The following GRIK1 variants were observed in gnomAD, a reference collection of about 807,000 sequenced individuals.
The protein encoded by GRIK1 is glutamate ionotropic receptor kainate type subunit 1.
In GRIK1, 69 loss-of-function variants were observed where a neutral mutation model predicts 105.7. The ratio of observed to expected loss-of-function variants is 0.65; its 90% CI spans 0.54 to 0.80. The LOEUF is 0.80. GRIK1 is among the 30% of genes least tolerant of loss of function. GRIK1 has a pLI of 0.00. For missense variants in GRIK1, 1,109 were observed against 1,167.3 expected (o/e 0.95, Z 0.73); for synonymous variants, 438 against 431.3 (o/e 1.02, Z -0.19).
chr21:29,703,064 A>G (rs148495576), intron 1 of GRIK1, among the ~76,000 whole-genome samples: 27 of 152,340 alleles, frequency 1.8e-4, no homozygotes, highest in African/African-American at 5.8e-4. Flanking sequence ...CAGTTCTTCA[A>G]ATAGCAATTT....
intron 1 of GRIK1, among the ~76,000 whole-genome samples, 186 bp downstream of exon 1, chr21:29,939,197 C>T (rs1731742401): frequency 6.6e-6 from 1 of 152,182 alleles, no homozygotes; most frequent in Admixed American, 6.5e-5. Flanking sequence ...AAGGCCGGCA[C>T]CCTCCAGGAG....
At chr21:29,706,656 G>C (rs945323265) in intron 1 of GRIK1, among the ~76,000 whole-genome samples, 1 of 152,166 alleles carries the variant, frequency 6.6e-6, no homozygotes, top group African/African-American at 2.4e-5. Context: ...GACTAATACA[G>C]ATATCCAAGA....
At chr21:29,706,896 G>T (rs757458647) in intron 1 of GRIK1, among the ~76,000 whole-genome samples, 3 of 151,806 alleles carry the variant, frequency 2.0e-5, no homozygotes, top group Admixed American at 1.3e-4. Context: ...GCGGAGTCTC[G>T]CTCTGTTGCC....
At chr21:29,603,749 T>C (rs2061562727) in intron 7 of GRIK1, among the ~76,000 whole-genome samples, 1 of 152,194 alleles carries the variant, frequency 6.6e-6, no homozygotes. Context: ...GTCTGAGAGC[T>C]GAGAACAATT....
At chr21:29,736,204 TA>T (rs2064786935) in intron 1 of GRIK1, among the ~76,000 whole-genome samples, 1 of 150,720 alleles carries the variant, frequency 6.6e-6, no homozygotes, top group Non-Finnish European at 1.5e-5. Flanking sequence ...CTGGTATTGT[TA>T]TTATGATTAT....
At position 29,580,019 on chromosome 21, in the gene GRIK1, G is replaced by A. The variant is rs867228150; in HGVS notation, c.1912+1406C>T. ...TATGTATATATATGTATATATATGT[G>A]TATATATGTATATATGTGTATATAT... On this transcript the variant is annotated intron_variant, in intron 13 of 17. Transcript: ENST00000327783. Among the ~76,000 whole-genome samples, 881 of 119,678 alleles carry A rather than the reference G, an allele frequency of 7.4e-3. 12 individuals carry two copies. The highest frequency in any genetic ancestry group is 0.037 in the African/African-American group (837 of 22,572). The allele number at this position is 119,678 out of a possible 152,430, so 78.5% of individuals were successfully genotyped here. A position where few individuals can be genotyped will look rare whatever the true frequency, so the allele number is the denominator to read the frequency against.
chr21:29,596,690 G>A (rs2061420480), intron 8 of GRIK1, 120 bp from the exon 9 acceptor site: 5 of 771,412 alleles, frequency 6.5e-6, no homozygotes, highest in Middle Eastern at 2.8e-4. Context: ...CCATTGTTTG[G>A]AATTTGCATC....
At chr21:29,690,922 G>A (rs906698664) in intron 2 of GRIK1, among the ~76,000 whole-genome samples, 10 of 152,098 alleles carry the variant, frequency 6.6e-5, no homozygotes, top group African/African-American at 2.4e-4. Flanking sequence ...TAACACTATA[G>A]CATGTCTTTT....
intron 1 of GRIK1, among the ~76,000 whole-genome samples, chr21:29,833,802 G>T (rs956361937): frequency 6.6e-6 from 1 of 151,876 alleles, no homozygotes; most frequent in Non-Finnish European, 1.5e-5. Flanking sequence ...TGGCTCCCAG[G>T]CATCCTTCAG....
chr21:29,592,188 G>A (rs780707197), intron 9 of GRIK1, among the ~76,000 whole-genome samples: 3 of 152,206 alleles, frequency 2.0e-5, no homozygotes, highest in Non-Finnish European at 4.4e-5. Context: ...AGCCCTAGCA[G>A]GACTCTGTTC....
At chr21:29,560,351 CTTTCTT>C (rs2090385977) in intron 15 of GRIK1, among the ~76,000 whole-genome samples, 28 of 88,392 alleles carry the variant, frequency 3.2e-4, no homozygotes, top group African/African-American at 1.3e-3. Flanking sequence ...TTCTTTCTTT[CTTTCTT>C]TTTCTTTCTT....
At chr21:29,905,828 A>G (rs1433354049) in intron 1 of GRIK1, among the ~76,000 whole-genome samples, 3 of 152,108 alleles carry the variant, frequency 2.0e-5, no homozygotes, top group Admixed American at 6.5e-5. Context: ...GGATTTTGCC[A>G]TGTTGGCCAG....
intron 1 of GRIK1, among the ~76,000 whole-genome samples, chr21:29,928,607 T>C (rs1311664877): frequency 6.6e-6 from 1 of 152,212 alleles, no homozygotes; most frequent in Non-Finnish European, 1.5e-5. Context: ...GAGTGGGTGT[T>C]GCTGTGTGAG....
intron 15 of GRIK1, among the ~76,000 whole-genome samples, chr21:29,559,026 TG>T (rs1317969381): frequency 6.6e-6 from 1 of 152,160 alleles, no homozygotes; most frequent in Non-Finnish European, 1.5e-5. Context: ...ACAGGAATTT[TG>T]GTGCCAAAAA....
intron 15 of GRIK1, among the ~76,000 whole-genome samples, chr21:29,556,489 A>G (rs1296588407): frequency 2.6e-5 from 4 of 151,906 alleles, no homozygotes; most frequent in African/African-American, 9.7e-5. Context: ...AGTTATTTAG[A>G]CCTTACTTTT....
At chr21:29,687,719 G>A (rs1045700747) in intron 3 of GRIK1, among the ~76,000 whole-genome samples, 1 of 152,220 alleles carries the variant, frequency 6.6e-6, no homozygotes, top group African/African-American at 2.4e-5. Context: ...TCACATATGT[G>A]TGGCTCACCT....
At chr21:29,870,707 C>G (rs2832464) in intron 1 of GRIK1, among the ~76,000 whole-genome samples, 21 of 152,142 alleles carry the variant, frequency 1.4e-4, no homozygotes, top group Admixed American at 2.0e-4. Context: ...CTTCTTCATA[C>G]TTCACTTAGC....
At chr21:29,866,605 T>C (rs1025907875) in intron 1 of GRIK1, among the ~76,000 whole-genome samples, 1 of 152,148 alleles carries the variant, frequency 6.6e-6, no homozygotes, top group Admixed American at 6.6e-5. Flanking sequence ...GGGGGACTTT[T>C]GGATCTAAAA....
Position 29,916,332 on chromosome 21 carries a change from TTTG to T in GRIK1, c.118+23048_118+23050del, listed in dbSNP as rs1471901015. On this transcript the variant is annotated intron_variant, in intron 1 of 17. Transcript: ENST00000327783. ...GACACTAAATAAAAGATAGCTTATTTTTGTTATTTTTGCTATTACAACTCAAAG... is the reference window on the plus strand; with the variant it reads ...GACACTAAATAAAAGATAGCTTATTTTTATTTTTGCTATTACAACTCAAAG... Among the ~76,000 whole-genome samples, 10 of 151,934 alleles carry T rather than the reference TTTG, an allele frequency of 6.6e-5. 1 individual carries two copies. Among genetic ancestry groups the T allele is most frequent in the Non-Finnish European group, 1.5e-5 (1 of 67,886 alleles).
Sources: gnomAD v4.1 joint callset for allele counts (sites outside exome capture counted in the v4.1 genomes callset) on GRCh38, gnomAD v4.1.1 for gene constraint, MANE v1.5 for transcripts, NCBI Gene and HGNC (gene_info 2026-07-23, HGNC 2026-07-21) for gene names.